SEMA3C: variants seen among roughly 807,000 people sequenced by gnomAD.
The protein encoded by SEMA3C is semaphorin-3C.
SEMA3C carries 47 observed loss-of-function variants against 89.4 expected under a neutral mutation model. The observed-to-expected ratio is 0.53, with a 90% CI of 0.42 to 0.67. SEMA3C has a LOEUF of 0.67. SEMA3C is among the 30% of genes least tolerant of loss of function. The probability of loss-of-function intolerance (pLI) is 0.00; values close to 1 mark genes in which losing one functional copy is unlikely to be tolerated. For synonymous variants in SEMA3C, 310 were observed against 320.2 expected, an observed-to-expected ratio of 0.97 and a Z score of 0.34; for missense variants, 839 against 929.1, an observed-to-expected ratio of 0.90 and a Z score of 1.26.
chr7:80,778,739 T>C (rs1241665032), intron 12 of SEMA3C, among the ~76,000 whole-genome samples: 13 of 152,206 alleles, frequency 8.5e-5, no homozygotes, highest in Admixed American at 5.2e-4. Flanking sequence ...TGTAAGAAGA[T>C]AGGATGAGGA....
intron 10 of SEMA3C, among the ~76,000 whole-genome samples, chr7:80,799,087 A>C (rs1789135693): frequency 6.6e-6 from 1 of 152,224 alleles, no homozygotes; most frequent in African/African-American, 2.4e-5. Flanking sequence ...ACATTTTCTT[A>C]AGAATTTGAT....
chr7:80,918,373 C>G (rs1028800888), intron 1 of SEMA3C: 1 of 152,020 alleles, frequency 6.6e-6, no homozygotes, highest in Non-Finnish European at 1.5e-5. Flanking sequence ...GCAGGTGAAA[C>G]GAAGATAGTC....
At chr7:80,905,789 G>C in intron 2 of SEMA3C, 1 of 1,106,198 alleles carries the variant, frequency 9.0e-7, no homozygotes, top group Non-Finnish European at 1.2e-6. Flanking sequence ...AGCAGGGTTT[G>C]CCTGGTGTAA....
intron 2 of SEMA3C, among the ~76,000 whole-genome samples, chr7:80,869,550 T>C (rs148531537): frequency 1.4e-3 from 207 of 152,308 alleles, no homozygotes; most frequent in Middle Eastern, 3.4e-3. Context: ...TCAGGGTTAA[T>C]GGGAAAGGAA....
At chr7:80,880,646 TG>T (rs981487689) in intron 2 of SEMA3C, among the ~76,000 whole-genome samples, 1 of 152,168 alleles carries the variant, frequency 6.6e-6, no homozygotes, top group African/African-American at 2.4e-5. Context: ...AATCACAGGC[TG>T]GGAGTGGTGG....
At chr7:80,765,000 TTTC>T (rs1166510988) in intron 13 of SEMA3C, among the ~76,000 whole-genome samples, 152 bp downstream of exon 13, 1 of 152,240 alleles carries the variant, frequency 6.6e-6, no homozygotes, top group African/African-American at 2.4e-5. Context: ...TTGTTCTGTA[TTTC>T]TTATTTTATC....
intron 11 of SEMA3C, among the ~76,000 whole-genome samples, chr7:80,795,934 G>A (rs1359622460): frequency 1.3e-5 from 2 of 152,162 alleles, no homozygotes; most frequent in Non-Finnish European, 2.9e-5. Context: ...CTTGTAACCT[G>A]GGTCCATGCT....
At chr7:80,919,970 C>T (rs1369846896), upstream of SEMA3C, among the ~76,000 whole-genome samples, 1 of 152,128 alleles carries the variant, frequency 6.6e-6, no homozygotes, top group Non-Finnish European at 1.5e-5. Flanking sequence ...GCCCTGAAAG[C>T]AGTAATTCTG....
At position 80,754,954 on chromosome 7, in the gene SEMA3C, TTTG is replaced by T. The variant is rs1334407516; in HGVS notation, c.1643+3374_1643+3376del. Among the ~76,000 whole-genome samples, 238 of 113,840 alleles carry T rather than the reference TTTG, an allele frequency of 2.1e-3. 1 individual carries two copies. The highest frequency in any genetic ancestry group is 0.014 in the Middle Eastern group (3 of 220). 74.7% of individuals were successfully genotyped at this position (113,840 alleles called of 152,430 possible). ...CACCATGCCTGGCGAATTGTTTTTT[TTTG>T]TTTTTTTTTTTTTTGTATTTTTAGT... is the stretch of plus-strand genomic sequence containing the variant. On this transcript the variant is annotated intron_variant, in intron 15 of 17. Coordinates refer to ENST00000265361, the MANE Select transcript of SEMA3C (RefSeq NM_006379.5).
intron 12 of SEMA3C, among the ~76,000 whole-genome samples, chr7:80,785,162 G>A (rs144496175): frequency 8.0e-4 from 122 of 152,232 alleles, no homozygotes; most frequent in Non-Finnish European, 1.3e-3. Flanking sequence ...AGTTGTACAC[G>A]ATAATGGTAT....
intron 9 of SEMA3C, among the ~76,000 whole-genome samples, chr7:80,802,015 G>C (rs1404390137): frequency 6.6e-6 from 1 of 151,978 alleles, no homozygotes; most frequent in Non-Finnish European, 1.5e-5. Context: ...AATGAATTAA[G>C]GTGAAAGAAA....
intron 2 of SEMA3C, among the ~76,000 whole-genome samples, chr7:80,863,985 A>G (rs932028592): frequency 6.7e-6 from 1 of 148,334 alleles, no homozygotes; most frequent in Non-Finnish European, 1.5e-5. Flanking sequence ...CACATATATC[A>G]CATGTATATC....
chr7:80,748,943 T>C lies in SEMA3C; in HGVS notation c.1797A>G (p.Ala599=). 3 of 1,613,534 alleles carry C rather than the reference T, an allele frequency of 1.9e-6. No homozygotes were observed. The highest frequency in any genetic ancestry group is 1.1e-5 in the South Asian group (1 of 91,052). The change falls in exon 17 of 18, where the codon GCA becomes GCG. Residue 599 remains alanine (A), a synonymous_variant. Coordinates refer to ENST00000265361, the MANE Select transcript of SEMA3C (RefSeq NM_006379.5). The part of the protein sequence containing the change: ...FLECAPKSPQ[A]SIKWLLQKDK... ...CTTTCTGTAACAGCCACTTGATAGA[T>C]GCCTGCGGAGACTTGGGGGCACACT...
At chr7:80,793,906 C>T (rs1789002048) in intron 11 of SEMA3C, among the ~76,000 whole-genome samples, 1 of 149,570 alleles carries the variant, frequency 6.7e-6, no homozygotes, top group African/African-American at 2.4e-5. Flanking sequence ...AATAAAGGGT[C>T]TTGGTGGCAC....
chr7:80,883,064 A>G (rs1193150619), intron 2 of SEMA3C, among the ~76,000 whole-genome samples: 2 of 152,126 alleles, frequency 1.3e-5, no homozygotes, highest in African/African-American at 4.8e-5. Flanking sequence ...TTCATTAGGT[A>G]AATTGCTTTG....
intron 2 of SEMA3C, among the ~76,000 whole-genome samples, chr7:80,836,057 T>C (rs936942728): frequency 6.6e-6 from 1 of 151,974 alleles, no homozygotes; most frequent in Admixed American, 6.6e-5. Flanking sequence ...GTCTGCATAG[T>C]ATCAAATGTA....
rs557417599 is a variant in SEMA3C, at chr7:80,853,127, T to C, written c.104-24382A>G. Among the ~76,000 whole-genome samples the C allele has an allele frequency of 2.0e-5, 3 of 152,280 alleles. No individual in the cohort carries two copies. In the East Asian group the frequency reaches 5.8e-4, roughly 29 times the overall value. ...CCAAAAAACAGACACTAACGAATGC[T>C]GGCGAGGATGTGGAGAGGGAATCTT... On this transcript the variant is annotated intron_variant, in intron 2 of 17. Coordinates refer to ENST00000265361, the MANE Select transcript of SEMA3C (RefSeq NM_006379.5).
rs193110156 is a variant in SEMA3C at position 80,871,211 on chromosome 7, G to A, written c.104-42466C>T. Among the ~76,000 whole-genome samples the A allele has an allele frequency of 1.8e-3, 275 of 152,282 alleles. 1 individual carries two copies. Among genetic ancestry groups the A allele is most frequent in the Non-Finnish European group, 3.3e-3 (224 of 68,020 alleles). ...CCAATAAAAAAGTCAAGAGGGGAGC[G>A]AGTAGGAGAGTTGGTAAAGATATGC... On this transcript the variant is annotated intron_variant, in intron 2 of 17. Transcript: ENST00000265361.
chr7:80,873,511 T>C (rs1791121944), intron 2 of SEMA3C, among the ~76,000 whole-genome samples: 1 of 152,194 alleles, frequency 6.6e-6, no homozygotes, highest in African/African-American at 2.4e-5. Flanking sequence ...CATCAGGCAA[T>C]ACTAGGCCCA....
Sources: gnomAD v4.1 joint callset for allele counts (sites outside exome capture counted in the v4.1 genomes callset) on GRCh38, gnomAD v4.1.1 for gene constraint, MANE v1.5 for transcripts, NCBI Gene and HGNC (gene_info 2026-07-23, HGNC 2026-07-21) for gene names.